The following RIMS2 variants were observed in gnomAD, a reference collection of about 807,000 sequenced individuals.
RIMS2 encodes regulating synaptic membrane exocytosis 2, also known as regulating synaptic membrane exocytosis protein 2.
Under a neutral mutation model 174.4 loss-of-function variants are expected in RIMS2, and 59 were observed. That is an observed-to-expected ratio of 0.34 (90% CI 0.27 to 0.42). The LOEUF (loss-of-function observed/expected upper bound fraction) is 0.42, where lower values mean the gene tolerates loss of function less well. Ranked by LOEUF, RIMS2 falls within the 10% of genes least tolerant of loss-of-function variation. The pLI is 1.00. For synonymous variants in RIMS2, 606 were observed against 572.5 expected, an observed-to-expected ratio of 1.06 and a Z score of -0.84; for missense variants, 1,620 against 1,666.3, an observed-to-expected ratio of 0.97 and a Z score of 0.48.
chr8:104,178,486 C>T (rs2098919222), intron 19 of RIMS2, among the ~76,000 whole-genome samples: 1 of 152,098 alleles, frequency 6.6e-6, no homozygotes, highest in African/African-American at 2.4e-5. Context: ...ACTGACTCTT[C>T]CCGCCTTCCT....
intron 1 of RIMS2, among the ~76,000 whole-genome samples, chr8:103,528,412 A>T (rs1261457864): frequency 3.3e-5 from 5 of 152,012 alleles, no homozygotes; most frequent in Non-Finnish European, 7.4e-5. Context: ...CCCATTTGTC[A>T]ATTTTGGCTT....
chr8:104,200,846 C>T (rs994176911), intron 19 of RIMS2, among the ~76,000 whole-genome samples: 1 of 152,060 alleles, frequency 6.6e-6, no homozygotes, highest in Non-Finnish European at 1.5e-5. Context: ...CCCAGGAGGT[C>T]GAGGCTGCAG....
At position 104,176,569 on chromosome 8, in the gene RIMS2, G is replaced by A. The variant is rs1311845779; in HGVS notation, c.3335-68347G>A. Among the ~76,000 whole-genome samples, 4 of 151,864 alleles carry A rather than the reference G, an allele frequency of 2.6e-5. No homozygotes were observed. The South Asian group carries it at 6.2e-4, about 24-fold the overall frequency. On this transcript the variant is annotated intron_variant, in intron 19 of 23. Transcript: ENST00000504942. ...ATAGTAACAATACAGCATCTTCATA[G>A]CTTTGGAGAGTCAAGCTAAGCCGTT...
At chr8:103,826,871 A>G (rs1355132469) in intron 3 of RIMS2, among the ~76,000 whole-genome samples, 2 of 148,894 alleles carry the variant, frequency 1.3e-5, no homozygotes, top group African/African-American at 2.5e-5. Flanking sequence ...GTCTTGCTAT[A>G]TTGTCTAGGA....
At chr8:104,061,754 T>G (rs1278149983) in intron 19 of RIMS2, among the ~76,000 whole-genome samples, 1 of 151,890 alleles carries the variant, frequency 6.6e-6, no homozygotes, top group East Asian at 1.9e-4. Flanking sequence ...AACATCCTCA[T>G]CATTTTTTAT....
intron 2 of RIMS2, among the ~76,000 whole-genome samples, chr8:103,736,202 A>T (rs866348671): frequency 2.6e-5 from 4 of 152,342 alleles, no homozygotes; most frequent in Middle Eastern, 3.4e-3. Context: ...TCAAAACTCA[A>T]GTCAAAATTT....
chr8:104,119,423 A>C (rs1304399287), intron 19 of RIMS2, among the ~76,000 whole-genome samples: 1 of 152,110 alleles, frequency 6.6e-6, no homozygotes, highest in Admixed American at 6.6e-5. Context: ...CATGCTATAA[A>C]TCTGGGTTTA....
rs1239577512 is a variant in RIMS2, at chr8:103,817,987, T to C, written c.698+51450T>C. ...GTATACCTATGAAAATCTGAAATAA[T>C]AAATAATAGTGAAATAATAAAATAA... On this transcript the variant is annotated intron_variant, in intron 3 of 23. Coordinates refer to ENST00000504942, the Ensembl canonical transcript of RIMS2. 3.9e-5 allele frequency among the ~76,000 whole-genome samples: 6 copies of C among 151,960 alleles called. No individual in the cohort carries two copies. The East Asian group carries it at 1.2e-3, about 29-fold the overall frequency.
chr8:103,518,605 A>T (rs1350222149), intron 1 of RIMS2, among the ~76,000 whole-genome samples: 1 of 151,970 alleles, frequency 6.6e-6, no homozygotes, highest in African/African-American at 2.4e-5. Context: ...ATATTGCTGT[A>T]TCAGTTGTTA....
At chr8:103,643,490 A>G (rs2096269981) in intron 1 of RIMS2, among the ~76,000 whole-genome samples, 1 of 152,144 alleles carries the variant, frequency 6.6e-6, no homozygotes, top group Non-Finnish European at 1.5e-5. Flanking sequence ...AGGGTTATTC[A>G]GTAAAAGGAG....
At chr8:103,872,583 C>A (rs1242133308) in intron 3 of RIMS2, among the ~76,000 whole-genome samples, 1 of 152,194 alleles carries the variant, frequency 6.6e-6, no homozygotes. Context: ...AGAGACCTGT[C>A]TTCCTCTTGC....
chr8:104,068,687 A>C, intron 19 of RIMS2, 75 bp downstream of exon 23: 1 of 762,322 alleles, frequency 1.3e-6, no homozygotes, highest in Non-Finnish European at 2.2e-6. Context: ...AAACTACTAA[A>C]TGCAGATTAG....
chr8:103,748,911 C>T (rs924990072), intron 2 of RIMS2, among the ~76,000 whole-genome samples: 6 of 151,994 alleles, frequency 3.9e-5, no homozygotes, highest in African/African-American at 1.5e-4. Flanking sequence ...AGCAATTCAC[C>T]TGCCTCAGCC....
chr8:103,567,683 A>G lies in RIMS2; in HGVS notation c.176+66621A>G, dbSNP rs567353290. 2.0e-5 allele frequency among the ~76,000 whole-genome samples: 3 copies of G among 152,218 alleles called. No homozygotes were observed. In the South Asian group the frequency reaches 6.2e-4, roughly 32 times the overall value. The stretch of plus-strand genomic sequence containing the variant: ...CATTGTGCTTGGATATATACCTAGG[A>G]GTGGAATTGCTGGGTCATATGGTAA... On this transcript the variant is annotated intron_variant, in intron 1 of 23. Transcript: ENST00000504942.
chr8:103,723,223 G>C (rs1591110621), intron 2 of RIMS2, among the ~76,000 whole-genome samples: 1 of 152,224 alleles, frequency 6.6e-6, no homozygotes, highest in African/African-American at 2.4e-5. Context: ...CTTAACTCCT[G>C]TACCATCAGT....
intron 1 of RIMS2, among the ~76,000 whole-genome samples, chr8:103,649,356 C>T (rs2096406530): frequency 1.3e-5 from 2 of 151,406 alleles, no homozygotes; most frequent in South Asian, 4.2e-4. Flanking sequence ...GCCTTTCTAT[C>T]TGACTGCCTT....
chr8:104,143,720 C>A (rs2098604913), intron 19 of RIMS2, among the ~76,000 whole-genome samples: 1 of 152,158 alleles, frequency 6.6e-6, no homozygotes, highest in African/African-American at 2.4e-5. Context: ...CTGGAACTAT[C>A]CCTGTCTACT....
chr8:103,993,008 G>C (rs993860930), intron 17 of RIMS2, among the ~76,000 whole-genome samples: 1 of 152,144 alleles, frequency 6.6e-6, no homozygotes, highest in Non-Finnish European at 1.5e-5. Context: ...CAGCTACTCA[G>C]GAGGCTGAGG....
Position 103,991,045 on chromosome 8 carries a change from ATATTAGG to A in RIMS2, c.3044+1627_3044+1633del, listed in dbSNP as rs528783646. On this transcript the variant is annotated intron_variant, in intron 17 of 23. Transcript: ENST00000504942. ...ATCCTTGGTATTAGTTAATATGGTC[ATATTAGG>A]TAATTATCATGTCAGAGATATCCTA... 4.4e-3 allele frequency among the ~76,000 whole-genome samples: 665 copies of A among 152,014 alleles called. 7 individuals are homozygous for A. Among genetic ancestry groups the A allele is most frequent in the African/African-American group, 0.014 (570 of 41,538 alleles).
Sources: allele counts gnomAD v4.1 joint callset (sites outside exome capture counted in the v4.1 genomes callset), GRCh38; gene constraint gnomAD v4.1.1; transcripts MANE v1.5; gene names NCBI Gene and HGNC (gene_info 2026-07-23, HGNC 2026-07-21).